BCAT1: variants seen among roughly 807,000 people sequenced by gnomAD.
The protein encoded by BCAT1 is branched chain amino acid transaminase 1.
Under a neutral mutation model 52.4 loss-of-function variants are expected in BCAT1, and 48 were observed. The ratio of observed to expected loss-of-function variants is 0.92; its 90% confidence interval spans 0.73 to 1.16. BCAT1 has a LOEUF of 1.16. Ranked by LOEUF, BCAT1 falls within the 50% of genes most tolerant of loss-of-function variation. The probability of loss-of-function intolerance (pLI) is 0.00; values close to 1 mark genes in which losing one functional copy is unlikely to be tolerated. For synonymous variants in BCAT1, 167 were observed against 161.3 expected, an observed-to-expected ratio of 1.04 and a Z score of -0.27; for missense variants, 451 against 457.1, an observed-to-expected ratio of 0.99 and a Z score of 0.12.
At chr12:24,836,963 A>AC (rs201139846) in intron 7 of BCAT1, among the ~76,000 whole-genome samples, 2,097 of 104,644 alleles carry the variant, frequency 0.02, 85 homozygotes, top group Middle Eastern at 0.034. Flanking sequence ...AGAAAAGAGA[A>AC]AGAAAGAAAG....
chr12:24,845,721 AC>A lies in BCAT1; in HGVS notation c.675-3498del, dbSNP rs879381751. On this transcript the variant is annotated intron_variant, in intron 6 of 10. Transcript: ENST00000261192. ...AACAATAAAAGCCAAAGGATGAGTT[AC>A]ATGAGACTGTTACATCCTAATGAAA... Among the ~76,000 whole-genome samples, 45 of 152,374 alleles carry A rather than the reference AC, an allele frequency of 3.0e-4. 1 individual carries two copies. The Middle Eastern group carries it at 0.027, about 92-fold the overall frequency.
rs1490136533 is a variant in BCAT1 at position 24,948,964 on chromosome 12, G to A, written c.-32C>T. The A allele has an allele frequency of 1.3e-6, 2 of 1,587,934 alleles. No homozygotes were observed. The highest frequency in any genetic ancestry group is 8.6e-7 in the Non-Finnish European group (1 of 1,166,888). ...GTCGGCCACGAGGGAAGCTCGAGCTGAGCGGAGGGCAGATCCCAAGGGTCG... is the reference window on the plus strand; with the variant it reads ...GTCGGCCACGAGGGAAGCTCGAGCTAAGCGGAGGGCAGATCCCAAGGGTCG... On this transcript the variant is annotated 5_prime_UTR_variant, in exon 1 of 11. Transcript: ENST00000261192.
intron 1 of BCAT1, among the ~76,000 whole-genome samples, chr12:24,905,612 C>G (rs4963818): frequency 0.66 from 100,626 of 152,036 alleles, 33,471 homozygotes; most frequent in Admixed American, 0.7. Context: ...CCCTACAGTA[C>G]GGTAATATAA....
At chr12:24,938,807 C>G (rs952227564) in intron 1 of BCAT1, among the ~76,000 whole-genome samples, 3 of 152,110 alleles carry the variant, frequency 2.0e-5, no homozygotes, top group Non-Finnish European at 4.4e-5. Context: ...TCCACATACA[C>G]AGAACCTTGT....
chr12:24,923,632 A>T (rs1943534378), intron 1 of BCAT1, among the ~76,000 whole-genome samples: 1 of 151,880 alleles, frequency 6.6e-6, no homozygotes, highest in African/African-American at 2.4e-5. Context: ...CTGGTCTCAA[A>T]CTCCTGAGCC....
chr12:24,839,613 C>T (rs1018547144), intron 7 of BCAT1, among the ~76,000 whole-genome samples: 3 of 152,202 alleles, frequency 2.0e-5, no homozygotes, highest in African/African-American at 7.2e-5. Flanking sequence ...AAGCTGAGTG[C>T]CACACATAGT....
intron 8 of BCAT1, chr12:24,833,934 T>C: frequency 6.3e-6 from 1 of 157,684 alleles, no homozygotes; most frequent in Non-Finnish European, 1.4e-5. Flanking sequence ...GATCCTCCTG[T>C]CTCAGTCTCC....
chr12:24,878,925 A>C (rs1172627948), intron 4 of BCAT1, among the ~76,000 whole-genome samples: 1 of 152,162 alleles, frequency 6.6e-6, no homozygotes, highest in Non-Finnish European at 1.5e-5. Context: ...ATTTTAAAGT[A>C]ATAATAAAAC....
At chr12:24,899,713 T>C (rs1161708677) in intron 2 of BCAT1, among the ~76,000 whole-genome samples, 1 of 151,598 alleles carries the variant, frequency 6.6e-6, no homozygotes, top group East Asian at 1.9e-4. Flanking sequence ...AGTAAAATCG[T>C]GTCATTTGTA....
chr12:24,842,069 C>T lies in BCAT1; in HGVS notation c.817+13G>A, dbSNP rs763451455. 1.1e-5 allele frequency: 18 copies of T among 1,611,752 alleles called. No individual in the cohort carries two copies. The highest frequency in any genetic ancestry group is 1.4e-5 in the Non-Finnish European group (17 of 1,178,576). ...GACTGAGAAATGCACACAGTGAAAT[C>T]TGAGTGGATTACCTCCATCTTCATT... On this transcript the variant is annotated intron_variant, in intron 7 of 10. Coordinates refer to ENST00000261192, the MANE Select transcript of BCAT1 (RefSeq NM_005504.7).
intron 10 of BCAT1, among the ~76,000 whole-genome samples, chr12:24,828,241 G>A (rs139811152): frequency 4.5e-4 from 69 of 152,322 alleles, no homozygotes; most frequent in African/African-American, 1.6e-3. Flanking sequence ...TAATTGACAA[G>A]GATAGTAACT....
chr12:24,891,117 A>T (rs961998231), intron 3 of BCAT1, among the ~76,000 whole-genome samples: 1 of 152,196 alleles, frequency 6.6e-6, no homozygotes, highest in African/African-American at 2.4e-5. Context: ...GTAAACAGCA[A>T]TAGAGCTTCC....
At chr12:24,858,610 C>T (rs1247862368) in intron 5 of BCAT1, among the ~76,000 whole-genome samples, 1 of 152,182 alleles carries the variant, frequency 6.6e-6, no homozygotes, top group Non-Finnish European at 1.5e-5. Context: ...ACCTTATCTG[C>T]ACTTCTGTCT....
At chr12:24,856,074 T>C (rs74071946) in intron 5 of BCAT1, among the ~76,000 whole-genome samples, 6,485 of 152,282 alleles carry the variant, frequency 0.043, 445 homozygotes, top group African/African-American at 0.15. Context: ...CATGTGTTGA[T>C]TGATGCCTTT....
chr12:24,933,169 A>G (rs1422031055), intron 1 of BCAT1, among the ~76,000 whole-genome samples: 1 of 109,688 alleles, frequency 9.1e-6, no homozygotes, highest in East Asian at 3.1e-4. Flanking sequence ...AGGTTTCGCT[A>G]TGTTGGCCAG....
At chr12:24,927,449 G>C (rs1163920616) in intron 1 of BCAT1, among the ~76,000 whole-genome samples, 1 of 152,240 alleles carries the variant, frequency 6.6e-6, no homozygotes, top group Non-Finnish European at 1.5e-5. Context: ...ATCTACCAGT[G>C]ACTCCAATTA....
In BCAT1 at chr12:24,860,495, T is replaced by C. The variant is rs145969967; in HGVS notation, c.511-10546A>G. Among the ~76,000 whole-genome samples the C allele has an allele frequency of 9.2e-3, 1,399 of 152,348 alleles. 21 individuals are homozygous for C. The highest frequency in any genetic ancestry group is 0.032 in the African/African-American group (1,325 of 41,578). On this transcript the variant is annotated intron_variant, in intron 5 of 10. Transcript: ENST00000261192. ...TCTTTCTACCTGATTTCTCAAGAATTTGAAAACTATTTGTGAGTATTCTTA... is the reference window on the plus strand; with the variant it reads ...TCTTTCTACCTGATTTCTCAAGAATCTGAAAACTATTTGTGAGTATTCTTA...
At chr12:24,863,299 G>A (rs1259747171) in intron 5 of BCAT1, among the ~76,000 whole-genome samples, 4 of 152,158 alleles carry the variant, frequency 2.6e-5, no homozygotes, top group African/African-American at 7.2e-5. Context: ...GCCAGGGCTC[G>A]ATATTTTTAA....
intron 5 of BCAT1, among the ~76,000 whole-genome samples, chr12:24,874,831 G>C (rs758069374): frequency 6.6e-6 from 1 of 152,204 alleles, no homozygotes; most frequent in South Asian, 2.1e-4. Context: ...CCAGGGAATA[G>C]AGACTGGACA....
Sources: allele counts gnomAD v4.1 joint callset (sites outside exome capture counted in the v4.1 genomes callset), GRCh38; gene constraint gnomAD v4.1.1; transcripts MANE v1.5; gene names NCBI Gene and HGNC (gene_info 2026-07-23, HGNC 2026-07-21).